The following MYCBP2 variants were observed in gnomAD, a reference collection of about 807,000 sequenced individuals.
MYCBP2 encodes MYC binding protein 2, also known as E3 ubiquitin-protein ligase MYCBP2.
A neutral mutation model predicts 525.3 loss-of-function variants in MYCBP2; 120 were observed. The observed-to-expected ratio is 0.23, with a 90% CI of 0.20 to 0.27. The LOEUF (loss-of-function observed/expected upper bound fraction) is 0.27. Among genes scored for constraint, MYCBP2 ranks in the 10% least tolerant of loss-of-function variants. The pLI is 1.00. For synonymous variants in MYCBP2, 1,894 were observed against 1,955.8 expected (o/e 0.97, Z 0.83); for missense variants, 4,149 against 5,657.1 (o/e 0.73, Z 8.55).
intron 1 of MYCBP2, among the ~76,000 whole-genome samples, chr13:77,325,359 A>G (rs1050871960): frequency 1.3e-5 from 2 of 152,106 alleles, no homozygotes; most frequent in Non-Finnish European, 2.9e-5. Flanking sequence ...AAGCTGTGGG[A>G]AAAAAAAGAT....
At chr13:77,132,901 T>C (rs2053138003) in intron 52 of MYCBP2, among the ~76,000 whole-genome samples, 1 of 152,172 alleles carries the variant, frequency 6.6e-6, no homozygotes, top group Non-Finnish European at 1.5e-5. Context: ...TTTTGCAGAT[T>C]CCACATCTTC....
intron 14 of MYCBP2, among the ~76,000 whole-genome samples, chr13:77,253,658 T>C (rs1186832169): frequency 6.6e-6 from 1 of 151,964 alleles, no homozygotes; most frequent in Non-Finnish European, 1.5e-5. Context: ...GCTGATTACA[T>C]GAATACAATC....
At chr13:77,283,121 G>T (rs2076370848) in intron 3 of MYCBP2, among the ~76,000 whole-genome samples, 1 of 152,118 alleles carries the variant, frequency 6.6e-6, no homozygotes, top group African/African-American at 2.4e-5. Flanking sequence ...TCCAGTGTTA[G>T]TAAGGCATAT....
At chr13:77,310,532 T>A (rs1174569220) in intron 1 of MYCBP2, among the ~76,000 whole-genome samples, 2 of 152,180 alleles carry the variant, frequency 1.3e-5, no homozygotes, top group African/African-American at 4.8e-5. Context: ...CCATAAAGTC[T>A]AAGTTATTTA....
At chr13:77,163,066 T>C (rs1054050483) in intron 43 of MYCBP2, among the ~76,000 whole-genome samples, 9 of 152,238 alleles carry the variant, frequency 5.9e-5, no homozygotes, top group African/African-American at 2.2e-4. Context: ...TTCAAAGAGC[T>C]GCATATACTA....
At chr13:77,228,558 A>T (rs946972011) in intron 18 of MYCBP2, among the ~76,000 whole-genome samples, 2 of 152,078 alleles carry the variant, frequency 1.3e-5, no homozygotes, top group Non-Finnish European at 2.9e-5. Context: ...AGTGTTAATG[A>T]GCAGCAATAA....
chr13:77,181,149 TCA>T (rs2060184725), intron 33 of MYCBP2, among the ~76,000 whole-genome samples: 3 of 151,962 alleles, frequency 2.0e-5, no homozygotes, highest in Admixed American at 6.6e-5. Context: ...TTTCAAGAAG[TCA>T]CAGAGTCTCA....
At chr13:77,262,596 C>G (rs2073483101) in intron 10 of MYCBP2, among the ~76,000 whole-genome samples, 1 of 151,942 alleles carries the variant, frequency 6.6e-6, no homozygotes, top group Non-Finnish European at 1.5e-5. Flanking sequence ...CAATGCCATG[C>G]AGATATTTGA....
At chr13:77,052,814 C>T (rs955690286) in intron 80 of MYCBP2, among the ~76,000 whole-genome samples, 19 of 152,086 alleles carry the variant, frequency 1.2e-4, no homozygotes, top group African/African-American at 4.6e-4. Flanking sequence ...TTTAAGCATC[C>T]TCTGATCACA....
chr13:77,067,952 G>A, intron 70 of MYCBP2, 88 bp from the exon 71 acceptor site: 1 of 1,354,968 alleles, frequency 7.4e-7, no homozygotes, highest in Non-Finnish European at 9.9e-7. Context: ...TTTAAAGACA[G>A]GGTCTTGCTT....
In MYCBP2 at chr13:77,326,240, G is replaced by GACACACACACACACACACACACACACAC; in HGVS notation, c.302+206_302+233dup. 7.8e-6 allele frequency among the ~76,000 whole-genome samples: 1 copy of GACACACACACACACACACACACACACAC among 127,878 alleles called. No individual in the cohort carries two copies. Among genetic ancestry groups the GACACACACACACACACACACACACACAC allele is most frequent in the African/African-American group, 3.0e-5 (1 of 33,700 alleles). The allele number at this position is 127,878 out of a possible 152,430, so 83.9% of individuals were successfully genotyped here. On this transcript the variant is annotated intron_variant, in intron 1 of 82. Coordinates refer to ENST00000544440, the MANE Select transcript of MYCBP2 (RefSeq NM_015057.5). The surrounding 1 kb of genome is among the most constrained non-coding windows in gnomAD (Gnocchi z 4.2). ...CACTATCCCCCCACATAGGCAGGCA[G>GACACACACACACACACACACACACACAC]ACACACACACACACACACACACACA...
At chr13:77,233,458 A>G (rs908366511) in intron 17 of MYCBP2, among the ~76,000 whole-genome samples, 195 bp from the exon 18 acceptor site, 2 of 149,100 alleles carry the variant, frequency 1.3e-5, no homozygotes, top group African/African-American at 2.5e-5. Flanking sequence ...ATAAAAGTTA[A>G]TATCTTAAAT....
chr13:77,320,647 CA>C (rs1206877732), intron 1 of MYCBP2, among the ~76,000 whole-genome samples: 1 of 151,870 alleles, frequency 6.6e-6, no homozygotes, highest in East Asian at 1.9e-4. Flanking sequence ...CATACATTTA[CA>C]GAGATGAAAT....
At chr13:77,183,851 C>A (rs1275171303) in intron 32 of MYCBP2, among the ~76,000 whole-genome samples, 1 of 151,920 alleles carries the variant, frequency 6.6e-6, no homozygotes, top group African/African-American at 2.4e-5. Context: ...CCCGGTGAAC[C>A]CCTATTTCAC....
At chr13:77,154,942 G>A (rs760890475) in intron 46 of MYCBP2, among the ~76,000 whole-genome samples, 1 of 151,956 alleles carries the variant, frequency 6.6e-6, no homozygotes, top group Non-Finnish European at 1.5e-5. Flanking sequence ...TCAGAGTATA[G>A]CATATTATGT....
intron 17 of MYCBP2, among the ~76,000 whole-genome samples, chr13:77,237,644 C>A (rs1329205125): frequency 6.6e-6 from 1 of 151,732 alleles, no homozygotes; most frequent in Non-Finnish European, 1.5e-5. Flanking sequence ...ATGGTATTTG[C>A]AATAAAGCAC....
intron 46 of MYCBP2, among the ~76,000 whole-genome samples, chr13:77,153,464 G>A (rs558521169): frequency 1.3e-5 from 2 of 152,312 alleles, no homozygotes; most frequent in South Asian, 4.1e-4. Flanking sequence ...AAACATATTT[G>A]ATATTAAATT....
rs1197370334 is a variant in MYCBP2, at chr13:77,294,104, C to CTATATATATATATATATATA, written c.378+2475_378+2494dup. On this transcript the variant is annotated intron_variant, in intron 2 of 82. Coordinates refer to ENST00000544440, the MANE Select transcript of MYCBP2 (RefSeq NM_015057.5). ...GATAGCCATAAAGTAGATATAATGG[C>CTATATATATATATATATATA]TATATATATATATATATATATATAT... 8.6e-4 allele frequency among the ~76,000 whole-genome samples: 36 copies of CTATATATATATATATATATA among 41,902 alleles called. 1 individual carries two copies. The highest frequency in any genetic ancestry group is 2.0e-3 in the Admixed American group (6 of 3,042). 27.5% of individuals were successfully genotyped at this position (41,902 alleles called of 152,430 possible). A position where few individuals can be genotyped will look rare whatever the true frequency, so the allele number is the denominator to read the frequency against.
At chr13:77,187,529 C>CA (rs2060840472) in intron 30 of MYCBP2, among the ~76,000 whole-genome samples, 1 of 152,074 alleles carries the variant, frequency 6.6e-6, no homozygotes, top group South Asian at 2.1e-4. Flanking sequence ...AAATGAGAAT[C>CA]AAAGTGGTTC....
Sources: allele counts gnomAD v4.1 joint callset (sites outside exome capture counted in the v4.1 genomes callset), GRCh38; gene constraint gnomAD v4.1.1; non-coding constraint Gnocchi (gnomAD v3.1); transcripts MANE v1.5; gene names NCBI Gene and HGNC (gene_info 2026-07-23, HGNC 2026-07-21).